The following ATP10A variants were observed in gnomAD, a reference collection of about 807,000 sequenced individuals.
The protein encoded by ATP10A is ATPase phospholipid transporting 10A (putative).
A neutral mutation model predicts 147.8 loss-of-function variants in ATP10A; 111 were observed. The ratio of observed to expected loss-of-function variants is 0.75; its 90% CI spans 0.64 to 0.88. The LOEUF is 0.88. ATP10A is among the 40% of genes least tolerant of loss of function. The pLI, the probability that ATP10A is intolerant of heterozygous loss-of-function variation, is 0.00. For missense variants in ATP10A, 1,927 were observed against 1,959.0 expected (o/e 0.98, Z 0.31); for synonymous variants, 875 against 841.6 (o/e 1.04, Z -0.69).
At chr15:25,816,097 C>T (rs1363388566) in intron 1 of ATP10A, among the ~76,000 whole-genome samples, 1 of 149,804 alleles carries the variant, frequency 6.7e-6, no homozygotes, top group Non-Finnish European at 1.5e-5. Flanking sequence ...GATATACTTG[C>T]TTATTTACTA....
chr15:25,816,169 C>G (rs1891647004), intron 1 of ATP10A, among the ~76,000 whole-genome samples: 1 of 151,482 alleles, frequency 6.6e-6, no homozygotes, highest in South Asian at 2.1e-4. Flanking sequence ...ACTTCGAGAA[C>G]AATAAAAATT....
intron 15 of ATP10A, among the ~76,000 whole-genome samples, chr15:25,688,507 T>C (rs1899826684): frequency 6.6e-6 from 1 of 152,122 alleles, no homozygotes; most frequent in South Asian, 2.1e-4. Flanking sequence ...TGAAGCCAAC[T>C]AGGCTGGAAA....
chr15:25,735,226 G>A (rs1315695035), intron 3 of ATP10A, among the ~76,000 whole-genome samples: 9 of 152,168 alleles, frequency 5.9e-5, no homozygotes, highest in Non-Finnish European at 1.2e-4. Flanking sequence ...TGTGCGTCAT[G>A]CCCCTGTCAC....
intron 2 of ATP10A, among the ~76,000 whole-genome samples, chr15:25,767,989 G>A (rs1247462440): frequency 6.6e-6 from 1 of 152,208 alleles, no homozygotes; most frequent in East Asian, 1.9e-4. Flanking sequence ...GGGCCAAGGG[G>A]GTCCAACGGG....
rs2140932248 is a variant in ATP10A at position 25,862,954 on chromosome 15, T to C, written c.143A>G (p.Glu48Gly). 1.3e-6 allele frequency: 2 copies of C among 1,560,960 alleles called. No individual in the cohort carries two copies. The highest frequency in any genetic ancestry group is 1.7e-6 in the Non-Finnish European group (2 of 1,159,820). Residue 48 changes from glutamate to glycine, a missense_variant, in exon 1 of 21, where the codon GAG becomes GGG. Coordinates refer to ENST00000555815, the MANE Select transcript of ATP10A (RefSeq NM_024490.4). ...GGCACACCCGCGCCGCCGTCGCCGC[T>C]CGCCCTTGGCCGCGCCAGCCGCAGG... ...EDPAAGAAKG[E>G]RRRRRGCAQH...
At chr15:25,834,781 A>T (rs1344913171) in intron 1 of ATP10A, among the ~76,000 whole-genome samples, 1 of 152,258 alleles carries the variant, frequency 6.6e-6, no homozygotes, top group African/African-American at 2.4e-5. Flanking sequence ...ACCATTTAAC[A>T]ATGAACAAAA....
rs1888453750 is a variant in ATP10A, at chr15:25,757,076, TTAAG to T, written c.655-20939_655-20936del. 2.0e-5 allele frequency among the ~76,000 whole-genome samples: 3 copies of T among 152,226 alleles called. No homozygotes were observed. In the South Asian group the frequency reaches 6.2e-4, roughly 31 times the overall value. ...GGTAACTTAAAACCTTCAAGTGAAA[TTAAG>T]TAATAGATACTCATTAAATGTTTAG... On this transcript the variant is annotated intron_variant, in intron 2 of 20. Transcript: ENST00000555815.
At chr15:25,733,935 C>CCTGG (rs1277728473) in intron 3 of ATP10A, among the ~76,000 whole-genome samples, 4 of 152,212 alleles carry the variant, frequency 2.6e-5, no homozygotes, top group African/African-American at 7.2e-5. Context: ...CCCCGGTGGG[C>CCTGG]CTGGCTGGCT....
At chr15:25,850,406 C>G (rs1893231985) in intron 1 of ATP10A, among the ~76,000 whole-genome samples, 1 of 152,140 alleles carries the variant, frequency 6.6e-6, no homozygotes, top group African/African-American at 2.4e-5. Context: ...GGGAACAAAA[C>G]TGATTTCCAA....
intron 12 of ATP10A, among the ~76,000 whole-genome samples, chr15:25,706,994 G>A (rs1048068194): frequency 6.6e-6 from 1 of 152,152 alleles, no homozygotes; most frequent in Non-Finnish European, 1.5e-5. Flanking sequence ...CATTTCTCAG[G>A]TGTTCCATTT....
chr15:25,716,633 G>T, intron 9 of ATP10A, 97 bp downstream of exon 9: 1 of 1,236,862 alleles, frequency 8.1e-7, no homozygotes, highest in Non-Finnish European at 1.1e-6. Flanking sequence ...AGCGCTTGCT[G>T]CAGGAAAGGG....
chr15:25,748,404 T>C (rs939328569), intron 2 of ATP10A, among the ~76,000 whole-genome samples: 3 of 138,546 alleles, frequency 2.2e-5, no homozygotes, highest in Admixed American at 7.3e-5. Flanking sequence ...AGAAAAATCA[T>C]ATGATCAACT....
At chr15:25,861,191 C>T (rs1216702765) in intron 1 of ATP10A, among the ~76,000 whole-genome samples, 1 of 152,160 alleles carries the variant, frequency 6.6e-6, no homozygotes, top group Non-Finnish European at 1.5e-5. Flanking sequence ...ATAAGAGTTA[C>T]GTGCACGCTA....
At chr15:25,807,790 G>C (rs1467526850) in intron 1 of ATP10A, among the ~76,000 whole-genome samples, 3 of 149,776 alleles carry the variant, frequency 2.0e-5, no homozygotes, top group African/African-American at 7.3e-5. Context: ...TGACAAGAGT[G>C]AAACTCCATC....
At chr15:25,713,573 A>C (rs1901570370) in intron 10 of ATP10A, 101 bp downstream of exon 10, 1 of 1,182,938 alleles carries the variant, frequency 8.5e-7, no homozygotes, top group Non-Finnish European at 1.2e-6. Context: ...TTGGAAAAGG[A>C]TTAATGAAAA....
At chr15:25,842,880 T>C (rs1029258999) in intron 1 of ATP10A, among the ~76,000 whole-genome samples, 4 of 152,082 alleles carry the variant, frequency 2.6e-5, no homozygotes, top group African/African-American at 7.2e-5. Context: ...CAACTGGCTA[T>C]TTATGTATGT....
chr15:25,849,435 T>G (rs958087811), intron 1 of ATP10A, among the ~76,000 whole-genome samples: 2 of 152,190 alleles, frequency 1.3e-5, no homozygotes, highest in African/African-American at 2.4e-5. Context: ...TGAGTTTAGA[T>G]GTCACTGCAT....
At chr15:25,724,083 G>T (rs562334126) in intron 5 of ATP10A, 62 bp from the exon 6 acceptor site, 80 of 1,398,756 alleles carry the variant, frequency 5.7e-5, no homozygotes, top group Non-Finnish European at 7.2e-5. Context: ...TATTGCTAGC[G>T]TATATTAAAG....
rs1323250931 is a variant in ATP10A, at chr15:25,702,039, A to G, written c.2637T>C (p.Arg879=). 6.2e-7 allele frequency: 1 copy of G among 1,614,138 alleles called. No individual in the cohort carries two copies. The highest frequency in any genetic ancestry group is 1.7e-5 in the Admixed American group (1 of 60,002). The change falls in exon 13 of 21, where the codon CGT becomes CGC. Residue 879 remains arginine, a synonymous_variant. Coordinates refer to ENST00000555815, the MANE Select transcript of ATP10A (RefSeq NM_024490.4). ...GAACCCAAATCTGCAGGCCCGCTTG[A>G]CGCAATTTAGAAATAGTTTCAGGGA... ...DGVPETISKL[R]QAGLQIWVLT... is the part of the protein sequence containing the mutation.
Sources: allele counts gnomAD v4.1 joint callset (sites outside exome capture counted in the v4.1 genomes callset), GRCh38; gene constraint gnomAD v4.1.1; transcripts MANE v1.5; gene names NCBI Gene and HGNC (gene_info 2026-07-23, HGNC 2026-07-21).